The following ITSN1 variants were observed in gnomAD, a reference collection of about 807,000 sequenced individuals.
The protein encoded by ITSN1 is intersectin 1, also known as intersectin-1.
Under a neutral mutation model 239.8 loss-of-function variants are expected in ITSN1, and 58 were observed. That is an observed-to-expected ratio of 0.24 (90% CI 0.20 to 0.30). The LOEUF (loss-of-function observed/expected upper bound fraction) is 0.30. Among genes scored for constraint, ITSN1 ranks in the 10% least tolerant of loss-of-function variants. The pLI is 1.00. For synonymous variants in ITSN1, 780 were observed against 770.8 expected (o/e 1.01, Z -0.20); for missense variants, 1,558 against 2,103.3 (o/e 0.74, Z 5.07).
intron 1 of ITSN1, among the ~76,000 whole-genome samples, chr21:33,667,021 T>C (rs1288933523): frequency 6.6e-6 from 1 of 152,130 alleles, no homozygotes; most frequent in African/African-American, 2.4e-5. Context: ...TTGCCACATG[T>C]TGCCCAGGCT....
intron 1 of ITSN1, among the ~76,000 whole-genome samples, chr21:33,694,465 C>A (rs2091701715): frequency 1.3e-5 from 2 of 152,256 alleles, no homozygotes; most frequent in Middle Eastern, 6.8e-3. Flanking sequence ...TTTCTTATGG[C>A]AGATTTGCAG....
intron 33 of ITSN1, among the ~76,000 whole-genome samples, chr21:33,874,325 G>A (rs542403758): frequency 6.6e-5 from 10 of 152,148 alleles, no homozygotes; most frequent in South Asian, 2.1e-4. Flanking sequence ...TGATGCACCC[G>A]TCTGCATGTG....
intron 29 of ITSN1, among the ~76,000 whole-genome samples, chr21:33,847,326 C>T (rs574367220): frequency 6.6e-6 from 1 of 152,340 alleles, no homozygotes; most frequent in Admixed American, 6.5e-5. Context: ...CCCACCAGTC[C>T]CCACCAGCCC....
At chr21:33,672,967 C>T (rs1042013814) in intron 1 of ITSN1, among the ~76,000 whole-genome samples, 2 of 152,082 alleles carry the variant, frequency 1.3e-5, no homozygotes, top group African/African-American at 4.8e-5. Context: ...GCCTCGGCCT[C>T]CAAAGTGGTA....
At chr21:33,723,506 C>T (rs892305314) in intron 4 of ITSN1, among the ~76,000 whole-genome samples, 7 of 151,806 alleles carry the variant, frequency 4.6e-5, no homozygotes, top group East Asian at 3.9e-4. Context: ...CCCAGCTACT[C>T]GGGAGGCTGA....
At chr21:33,876,098 TTTCC>T (rs1203313629) in intron 34 of ITSN1, among the ~76,000 whole-genome samples, 72 of 118,176 alleles carry the variant, frequency 6.1e-4, no homozygotes, top group African/African-American at 1.6e-3. Flanking sequence ...TCTTTCTTTC[TTTCC>T]TTCTTTCTTT....
At chr21:33,744,126 A>C (rs1032521855) in intron 5 of ITSN1, among the ~76,000 whole-genome samples, 8 of 152,230 alleles carry the variant, frequency 5.3e-5, no homozygotes, top group Non-Finnish European at 1.0e-4. Flanking sequence ...ATTCCCATGC[A>C]CTGTCAATTG....
intron 1 of ITSN1, among the ~76,000 whole-genome samples, chr21:33,692,157 G>C (rs2091577383): frequency 6.6e-6 from 1 of 152,182 alleles, no homozygotes; most frequent in African/African-American, 2.4e-5. Flanking sequence ...CGTTGAGGAG[G>C]GCTCAGAGAA....
rs1986571349 is a variant in ITSN1 at position 33,894,448 on chromosome 21, A to G, written c.*6148A>G. 1 of 152,036 alleles carries G rather than the reference A, an allele frequency of 6.6e-6. No homozygotes were observed. The allele number at this position is 152,036 out of a possible 1,614,324, so 9.4% of individuals were successfully genotyped here. ...AGGATTCTGTTCGATTTTCTATACC[A>G]GCCTATATTGTTACTATCATCTGCC... On this transcript the variant is annotated 3_prime_UTR_variant, in exon 40 of 40. Transcript: ENST00000381318.
Position 33,823,555 on chromosome 21 carries a change from A to G in ITSN1, c.3085A>G (p.Ile1029Val). 6.2e-7 allele frequency: 1 copy of G among 1,614,162 alleles called. No homozygotes were observed. The highest frequency in any genetic ancestry group is 8.5e-7 in the Non-Finnish European group (1 of 1,180,006). Residue 1029 changes from isoleucine (I) to valine (V), a missense_variant, in exon 25 of 40, where the codon ATT (isoleucine) becomes GTT (valine). By Grantham distance (29) the Ile-to-Val change is conservative. Transcript: ENST00000381318. ...GDLTFQQGDVILVTKKDGDWW... is the reference protein window; with the variant it reads ...GDLTFQQGDVVLVTKKDGDWW... ...TTTAACCTTTCAGCAAGGGGATGTG[A>G]TTTTGGTTACCAAGAAAGATGGTGA...
intron 1 of ITSN1, among the ~76,000 whole-genome samples, chr21:33,643,169 C>G (rs944006659): frequency 5.3e-5 from 8 of 151,786 alleles, no homozygotes; most frequent in African/African-American, 9.7e-5. Flanking sequence ...GCGGGAGCGG[C>G]GCCGCCTCTG....
At chr21:33,773,835 A>G (rs1205983972) in intron 12 of ITSN1, among the ~76,000 whole-genome samples, 2 of 152,076 alleles carry the variant, frequency 1.3e-5, no homozygotes, top group South Asian at 2.1e-4. Context: ...GTGAGCCACC[A>G]TGCCTGGCTG....
chr21:33,810,464 G>C (rs967590754), intron 20 of ITSN1, among the ~76,000 whole-genome samples: 2 of 151,670 alleles, frequency 1.3e-5, no homozygotes, highest in South Asian at 2.1e-4. Flanking sequence ...TTTGCTTCTC[G>C]TGGAAACCAT....
intron 1 of ITSN1, among the ~76,000 whole-genome samples, chr21:33,668,892 T>C (rs578118175): frequency 8.7e-4 from 133 of 152,314 alleles, no homozygotes; most frequent in Non-Finnish European, 1.4e-3. Flanking sequence ...ACCTCTGACC[T>C]AAAAGGTTTT....
intron 16 of ITSN1, among the ~76,000 whole-genome samples, chr21:33,789,810 C>G (rs2070965968): frequency 6.6e-6 from 1 of 152,154 alleles, no homozygotes; most frequent in African/African-American, 2.4e-5. Context: ...TTCAGTAAAC[C>G]TGAGCCACAT....
At chr21:33,712,479 C>G (rs2092443102) in intron 1 of ITSN1, among the ~76,000 whole-genome samples, 1 of 152,200 alleles carries the variant, frequency 6.6e-6, no homozygotes, top group Admixed American at 6.5e-5. Context: ...ATATCCATAT[C>G]TCAGGTGTGA....
chr21:33,754,524 C>T (rs1205881513), intron 7 of ITSN1, among the ~76,000 whole-genome samples: 5 of 152,088 alleles, frequency 3.3e-5, no homozygotes, highest in African/African-American at 1.2e-4. Flanking sequence ...ATTCAGATGT[C>T]GAAGCTTAAC....
intron 15 of ITSN1, 131 bp downstream of exon 15, chr21:33,781,679 C>A: frequency 1.7e-6 from 1 of 595,796 alleles, no homozygotes; most frequent in Non-Finnish European, 2.9e-6. Flanking sequence ...CTCCCGGGTT[C>A]AAGATTCTCT....
At chr21:33,762,437 T>A (rs1489243501) in intron 9 of ITSN1, among the ~76,000 whole-genome samples, 1 of 151,572 alleles carries the variant, frequency 6.6e-6, no homozygotes, top group Non-Finnish European at 1.5e-5. Context: ...CGGCTAATTT[T>A]GAATTTTTAG....
Sources: allele counts gnomAD v4.1 joint callset (sites outside exome capture counted in the v4.1 genomes callset), GRCh38; gene constraint gnomAD v4.1.1; transcripts MANE v1.5; gene names NCBI Gene and HGNC (gene_info 2026-07-23, HGNC 2026-07-21).